Variants in RIMS1 observed in about 807,000 individuals in gnomAD.
The protein encoded by RIMS1 is regulating synaptic membrane exocytosis protein 1.
Under a neutral mutation model 214.1 loss-of-function variants are expected in RIMS1, and 83 were observed. The observed-to-expected ratio is 0.39, with a 90% CI of 0.32 to 0.47. RIMS1 has a LOEUF of 0.47. Ranked by LOEUF, RIMS1 falls within the 20% of genes least tolerant of loss-of-function variation. RIMS1 has a pLI of 0.99. For synonymous variants in RIMS1, 793 were observed against 786.8 expected, an observed-to-expected ratio of 1.01 and a Z score of -0.13; for missense variants, 2,050 against 2,161.8, an observed-to-expected ratio of 0.95 and a Z score of 1.03.
At chr6:72,365,873 TA>T (rs2097991574) in intron 29 of RIMS1, 1 of 152,240 alleles carries the variant, frequency 6.6e-6, no homozygotes, top group Non-Finnish European at 1.5e-5. Flanking sequence ...AAAAAGAGCT[TA>T]AAGAGCTTAC....
At position 72,038,110 on chromosome 6, in the gene RIMS1, AAAAAAAAAATATATATATATAT is replaced by A. The variant is rs1164492398; in HGVS notation, c.246-58837_246-58816del. On this transcript the variant is annotated intron_variant, in intron 2 of 33. Transcript: ENST00000521978. ...ACAAGCAAAAAAAAAAAAAAAAAAA[AAAAAAAAAATATATATATATAT>A]ATATATATATATATATATATAAAAT... Among the ~76,000 whole-genome samples the A allele has an allele frequency of 2.7e-4, 19 of 70,888 alleles. No individual in the cohort carries two copies. In the East Asian group the frequency reaches 7.4e-3, roughly 28 times the overall value. 46.5% of individuals were successfully genotyped at this position (70,888 alleles called of 152,430 possible). A position where few individuals can be genotyped will look rare whatever the true frequency, so the allele number is the denominator to read the frequency against.
At chr6:72,233,230 T>C (rs190669956) in intron 6 of RIMS1, among the ~76,000 whole-genome samples, 33 of 152,032 alleles carry the variant, frequency 2.2e-4, no homozygotes, top group Admixed American at 7.9e-4. Context: ...ACTCTGTCAT[T>C]TGTAGCCAGT....
intron 23 of RIMS1, among the ~76,000 whole-genome samples, chr6:72,282,574 TTTGC>T (rs2090663968): frequency 1.3e-5 from 2 of 152,200 alleles, no homozygotes; most frequent in Admixed American, 1.3e-4. Context: ...TTCCACTCTC[TTTGC>T]TGTATAGTAT....
At chr6:71,905,728 G>A (rs968849607) in intron 1 of RIMS1, among the ~76,000 whole-genome samples, 4 of 152,156 alleles carry the variant, frequency 2.6e-5, no homozygotes, top group African/African-American at 7.2e-5. Flanking sequence ...TCCACACTGT[G>A]TCTGGTGCAG....
rs562624954 is a variant in RIMS1, at chr6:72,004,163, T to TC, written c.245+35103dup. Among the ~76,000 whole-genome samples, 270 of 151,970 alleles carry TC rather than the reference T, an allele frequency of 1.8e-3. 1 individual carries two copies. The highest frequency in any genetic ancestry group is 5.7e-3 in the African/African-American group (238 of 41,458). ...TGATAGTTTACTGAGAATGATGATT[T>TC]CCCATTTCATCCATGTCCCTACAAA... On this transcript the variant is annotated intron_variant, in intron 2 of 33. Transcript: ENST00000521978.
intron 29 of RIMS1, among the ~76,000 whole-genome samples, chr6:72,360,482 A>G (rs759236348): frequency 9.9e-5 from 15 of 152,160 alleles, no homozygotes; most frequent in South Asian, 6.2e-4. Context: ...TATTCAATGG[A>G]TAAATCTATC....
chr6:72,044,895 A>G (rs962610758), intron 2 of RIMS1, among the ~76,000 whole-genome samples: 6 of 151,996 alleles, frequency 3.9e-5, no homozygotes, highest in African/African-American at 1.2e-4. Context: ...GCACACAGAT[A>G]TATATGCCAA....
chr6:71,921,416 C>A (rs1317481973), intron 1 of RIMS1, among the ~76,000 whole-genome samples: 1 of 152,154 alleles, frequency 6.6e-6, no homozygotes, highest in African/African-American at 2.4e-5. Context: ...ACCGCACCCA[C>A]AAGCCATTAT....
chr6:71,939,049 T>G (rs1583065028), intron 1 of RIMS1, among the ~76,000 whole-genome samples: 1 of 152,220 alleles, frequency 6.6e-6, no homozygotes, highest in Non-Finnish European at 1.5e-5. Flanking sequence ...GCTGTTTAGG[T>G]ATTTCTTCTA....
intron 2 of RIMS1, among the ~76,000 whole-genome samples, chr6:72,034,596 T>C (rs1819058643): frequency 6.6e-6 from 1 of 152,020 alleles, no homozygotes; most frequent in Admixed American, 6.6e-5. Context: ...AATTGCTTCC[T>C]CATTATCTGA....
At chr6:72,004,181 C>T (rs1222967495) in intron 2 of RIMS1, among the ~76,000 whole-genome samples, 2 of 151,704 alleles carry the variant, frequency 1.3e-5, no homozygotes, top group Admixed American at 6.6e-5. Context: ...CATCCATGTC[C>T]CTACAAAGGA....
chr6:72,366,910 AGTTT>A (rs887390885), intron 29 of RIMS1: 5 of 944,940 alleles, frequency 5.3e-6, no homozygotes, highest in African/African-American at 3.5e-5. Flanking sequence ...TTATAAGGGG[AGTTT>A]GTTTATTTAT....
In RIMS1 at chr6:72,221,050, G is replaced by T. The variant is rs377075843; in HGVS notation, c.1679-12723G>T. Among the ~76,000 whole-genome samples the T allele has an allele frequency of 2.2e-4, 34 of 152,126 alleles. No individual in the cohort carries two copies. In the East Asian group the frequency reaches 6.2e-3, roughly 28 times the overall value. On this transcript the variant is annotated intron_variant, in intron 6 of 33. Coordinates refer to ENST00000521978, the MANE Select transcript of RIMS1 (RefSeq NM_014989.7). ...AGTATTGGTAAGAAACATGTGGTTT[G>T]TAACAAGAATAGTCTTTCTGAAGTT...
At chr6:72,118,207 C>T (rs1174183313) in intron 4 of RIMS1, among the ~76,000 whole-genome samples, 1 of 151,094 alleles carries the variant, frequency 6.6e-6, no homozygotes, top group Admixed American at 6.6e-5. Context: ...ATATACAATA[C>T]TTCTAGATTA....
At chr6:72,328,276 T>A (rs1302723726) in intron 28 of RIMS1, among the ~76,000 whole-genome samples, 1 of 151,588 alleles carries the variant, frequency 6.6e-6, no homozygotes, top group Non-Finnish European at 1.5e-5. Context: ...GAGGGGAATA[T>A]CACACACCAA....
chr6:72,381,023 G>A (rs2098477306), intron 29 of RIMS1, among the ~76,000 whole-genome samples: 3 of 152,182 alleles, frequency 2.0e-5, no homozygotes, highest in Admixed American at 2.0e-4. Context: ...TACTAGGGCT[G>A]CTGTAACAAA....
At chr6:72,382,382 A>G (rs756039742) in intron 29 of RIMS1, among the ~76,000 whole-genome samples, 3 of 152,344 alleles carry the variant, frequency 2.0e-5, no homozygotes, top group Non-Finnish European at 2.9e-5. Flanking sequence ...AAAAATTCCA[A>G]CTATATGGTT....
chr6:72,269,747 G>A (rs2082147076), intron 22 of RIMS1, among the ~76,000 whole-genome samples: 1 of 152,140 alleles, frequency 6.6e-6, no homozygotes, highest in Non-Finnish European at 1.5e-5. Flanking sequence ...TCCAGTTCCA[G>A]TGACACTCCT....
intron 23 of RIMS1, among the ~76,000 whole-genome samples, chr6:72,277,455 G>A (rs1315858380): frequency 6.6e-6 from 1 of 151,998 alleles, no homozygotes. Context: ...GGTGGCAGGC[G>A]CCTGTAGTCC....
Sources: allele counts gnomAD v4.1 joint callset (sites outside exome capture counted in the v4.1 genomes callset), GRCh38; gene constraint gnomAD v4.1.1; transcripts MANE v1.5; gene names NCBI Gene and HGNC (gene_info 2026-07-23, HGNC 2026-07-21).